Variants in RGS6 observed in about 807,000 individuals in gnomAD.
RGS6 encodes regulator of G protein signaling 6.
In RGS6, 30 loss-of-function variants were observed where a neutral mutation model predicts 78.5. That is an observed-to-expected ratio of 0.38 (90% confidence interval 0.29 to 0.52). The LOEUF is 0.52. Among genes scored for constraint, RGS6 ranks in the 20% least tolerant of loss-of-function variants. The pLI, the probability that RGS6 is intolerant of heterozygous loss-of-function variation, is 0.85. For missense variants in RGS6, 495 were observed against 609.7 expected, an observed-to-expected ratio of 0.81 and a Z score of 1.98; for synonymous variants, 206 against 206.0, an observed-to-expected ratio of 1.00 and a Z score of 0.00.
intron 12 of RGS6, among the ~76,000 whole-genome samples, chr14:72,491,748 T>TG (rs1472430625): frequency 6.6e-6 from 1 of 152,130 alleles, no homozygotes; most frequent in East Asian, 1.9e-4. Context: ...ACCTACATGT[T>TG]GGGGGCAGAA....
intron 2 of RGS6, among the ~76,000 whole-genome samples, chr14:72,127,799 CCT>C (rs1477216930): frequency 6.6e-6 from 1 of 152,126 alleles, no homozygotes; most frequent in Admixed American, 6.6e-5. Flanking sequence ...ACACAAAGAT[CCT>C]CTGTTACCCC....
At chr14:72,494,064 C>T (rs955769778) in intron 12 of RGS6, among the ~76,000 whole-genome samples, 4 of 152,130 alleles carry the variant, frequency 2.6e-5, no homozygotes, top group Admixed American at 6.5e-5. Context: ...GATCCAGTTT[C>T]GAGCAAGAAG....
the RGS6 span, among the ~76,000 whole-genome samples, chr14:71,904,811 A>G: frequency 1.3e-5 from 2 of 150,458 alleles, no homozygotes; most frequent in African/African-American, 2.4e-5. Context: ...TTGAATTTAT[A>G]CTTTTCCTGA....
the RGS6 span, among the ~76,000 whole-genome samples, chr14:72,609,094 C>T: frequency 6.6e-6 from 1 of 152,206 alleles, no homozygotes; most frequent in African/African-American, 2.4e-5. Context: ...AGATTCACTA[C>T]GTGGGTAGTC....
At chr14:72,226,982 C>T (rs1191253471) in intron 2 of RGS6, among the ~76,000 whole-genome samples, 1 of 152,142 alleles carries the variant, frequency 6.6e-6, no homozygotes, top group East Asian at 1.9e-4. Context: ...CCACTGTACC[C>T]ATGCATGCTG....
intron 2 of RGS6, among the ~76,000 whole-genome samples, chr14:72,226,930 G>A (rs1451019863): frequency 3.9e-5 from 6 of 152,128 alleles, no homozygotes; most frequent in Admixed American, 2.0e-4. Context: ...CAAGTAATCC[G>A]CCCACCTTGA....
At chr14:72,355,267 C>T (rs1241714496) in intron 3 of RGS6, among the ~76,000 whole-genome samples, 1 of 151,274 alleles carries the variant, frequency 6.6e-6, no homozygotes, top group Non-Finnish European at 1.5e-5. Flanking sequence ...GATCTCAGCT[C>T]ACTGAAACCC....
At chr14:72,274,464 C>T (rs938868996) in intron 2 of RGS6, among the ~76,000 whole-genome samples, 4 of 152,226 alleles carry the variant, frequency 2.6e-5, no homozygotes, top group Admixed American at 2.0e-4. Flanking sequence ...AGCATGAACC[C>T]AAAGACCACA....
intron 3 of RGS6, among the ~76,000 whole-genome samples, chr14:72,387,963 T>G (rs1471015755): frequency 1.3e-5 from 2 of 152,178 alleles, no homozygotes; most frequent in Non-Finnish European, 2.9e-5. Flanking sequence ...TTCCTCTTCT[T>G]GTGGGGACAC....
intron 2 of RGS6, among the ~76,000 whole-genome samples, chr14:72,000,765 G>A (rs938568353): frequency 1.3e-5 from 2 of 152,110 alleles, no homozygotes; most frequent in African/African-American, 2.4e-5. Context: ...AGAAATACTC[G>A]AAAAACCACT....
intron 2 of RGS6, among the ~76,000 whole-genome samples, chr14:72,334,962 C>T (rs1311532272): frequency 6.6e-6 from 1 of 152,108 alleles, no homozygotes; most frequent in African/African-American, 2.4e-5. Context: ...TTGAATTGTA[C>T]CTCCTATAAT....
intron 6 of RGS6, among the ~76,000 whole-genome samples, chr14:72,461,262 A>G (rs2095773273): frequency 6.6e-6 from 1 of 152,212 alleles, no homozygotes; most frequent in Admixed American, 6.5e-5. Flanking sequence ...GGCAGTGGAG[A>G]GGGTGGGAGG....
chr14:72,109,983 A>G (rs1008473961), intron 2 of RGS6, among the ~76,000 whole-genome samples: 3 of 152,210 alleles, frequency 2.0e-5, no homozygotes, highest in African/African-American at 7.2e-5. Context: ...AAGTGTCAAG[A>G]AAGTGGATTT....
chr14:72,346,134 C>T (rs942644423), intron 2 of RGS6, among the ~76,000 whole-genome samples: 1 of 152,120 alleles, frequency 6.6e-6, no homozygotes, highest in Non-Finnish European at 1.5e-5. Context: ...GTAAAAAGAA[C>T]CTTCATGCTT....
intron 2 of RGS6, among the ~76,000 whole-genome samples, chr14:71,994,565 G>A (rs897897628): frequency 1.3e-5 from 2 of 151,920 alleles, no homozygotes; most frequent in Non-Finnish European, 1.5e-5. Context: ...CATCCTATCC[G>A]CCCATGTCTT....
At chr14:72,274,944 A>G (rs899674876) in intron 2 of RGS6, among the ~76,000 whole-genome samples, 14 of 152,232 alleles carry the variant, frequency 9.2e-5, no homozygotes, top group African/African-American at 3.1e-4. Context: ...TCCTTTACTC[A>G]TGATCAACTA....
intron 2 of RGS6, among the ~76,000 whole-genome samples, chr14:72,276,141 C>T (rs7156265): frequency 0.058 from 8,772 of 152,198 alleles, 416 homozygotes; most frequent in East Asian, 0.29. Context: ...TGTAGAAAAG[C>T]TCATGCTACC....
At chr14:72,215,966 A>G (rs564874684) in intron 2 of RGS6, among the ~76,000 whole-genome samples, 6 of 152,330 alleles carry the variant, frequency 3.9e-5, no homozygotes, top group African/African-American at 7.2e-5. Context: ...TTTATTTTCT[A>G]TACTCCCTCA....
intron 17 of RGS6, among the ~76,000 whole-genome samples, chr14:72,554,862 T>C (rs2097549404): frequency 6.6e-6 from 1 of 152,206 alleles, no homozygotes; most frequent in South Asian, 2.1e-4. Context: ...GACCTGGCAT[T>C]CTGCCACTCA....
Sources: allele counts gnomAD v4.1 joint callset (sites outside exome capture counted in the v4.1 genomes callset), GRCh38; gene constraint gnomAD v4.1.1; transcripts MANE v1.5; gene names NCBI Gene and HGNC (gene_info 2026-07-23, HGNC 2026-07-21).